The following ATP8A1 variants were observed in gnomAD, a reference collection of about 807,000 sequenced individuals.
ATP8A1 encodes ATPase phospholipid transporting 8A1.
Under a neutral mutation model 177.7 loss-of-function variants are expected in ATP8A1, and 90 were observed. That is an observed-to-expected ratio of 0.51 (90% CI 0.43 to 0.60). The LOEUF is 0.60. ATP8A1 is among the 20% of genes least tolerant of loss of function. The pLI, the probability that ATP8A1 is intolerant of heterozygous loss-of-function variation, is 0.00. For missense variants in ATP8A1, 1,072 were observed against 1,392.8 expected, an observed-to-expected ratio of 0.77 and a Z score of 3.67; for synonymous variants, 493 against 485.9, an observed-to-expected ratio of 1.01 and a Z score of -0.19.
intron 25 of ATP8A1, among the ~76,000 whole-genome samples, chr4:42,482,881 T>G (rs1451103413): frequency 6.6e-6 from 1 of 152,160 alleles, no homozygotes; most frequent in Non-Finnish European, 1.5e-5. Context: ...GGAAAATAGT[T>G]TAAATTTGAG....
At chr4:42,629,074 C>G (rs952575216) in intron 1 of ATP8A1, among the ~76,000 whole-genome samples, 1 of 152,188 alleles carries the variant, frequency 6.6e-6, no homozygotes, top group Non-Finnish European at 1.5e-5. Context: ...GATACTGCAT[C>G]TCCCCCTCAG....
intron 25 of ATP8A1, among the ~76,000 whole-genome samples, chr4:42,478,427 C>T (rs1238051552): frequency 6.6e-6 from 1 of 152,156 alleles, no homozygotes; most frequent in African/African-American, 2.4e-5. Flanking sequence ...ATTCAATACA[C>T]ATATGATAGA....
chr4:42,496,531 T>C (rs950175165), intron 24 of ATP8A1, among the ~76,000 whole-genome samples: 1 of 152,134 alleles, frequency 6.6e-6, no homozygotes, highest in Non-Finnish European at 1.5e-5. Flanking sequence ...TTTCTCAAAA[T>C]AAGCAAATTA....
chr4:42,503,108 G>A (rs2153193372), intron 24 of ATP8A1, among the ~76,000 whole-genome samples: 1 of 152,330 alleles, frequency 6.6e-6, no homozygotes, highest in Admixed American at 6.5e-5. Flanking sequence ...AATACTGGAA[G>A]TTAAAGCAGA....
intron 25 of ATP8A1, among the ~76,000 whole-genome samples, chr4:42,480,343 T>C (rs1721547860): frequency 6.6e-6 from 1 of 152,212 alleles, no homozygotes; most frequent in African/African-American, 2.4e-5. Context: ...GTGTATTCAG[T>C]GTGTCCTCTT....
Position 42,574,592 on chromosome 4 carries a change from A to G in ATP8A1, c.1295+27T>C, listed in dbSNP as rs199658050. ...TTAGCACTAATTAAGCATGTATTTCATATCCTAATTAAAGGAAAAAACTCA... is the reference window on the plus strand; with the variant it reads ...TTAGCACTAATTAAGCATGTATTTCGTATCCTAATTAAAGGAAAAAACTCA... On this transcript the variant is annotated intron_variant, in intron 14 of 36. Transcript: ENST00000381668. The G allele has an allele frequency of 3.9e-6, 6 of 1,548,076 alleles. No homozygotes were observed. In the African/African-American group the frequency reaches 4.1e-5, roughly 11 times the overall value.
intron 15 of ATP8A1, among the ~76,000 whole-genome samples, chr4:42,567,575 C>G (rs1731485162): frequency 1.3e-5 from 2 of 152,134 alleles, no homozygotes; most frequent in East Asian, 1.9e-4. Context: ...GTAGTGAAAG[C>G]CTTCCCTATT....
intron 14 of ATP8A1, among the ~76,000 whole-genome samples, chr4:42,569,888 ATT>A (rs1448339069): frequency 6.6e-6 from 1 of 152,174 alleles, no homozygotes; most frequent in East Asian, 1.9e-4. Flanking sequence ...GATGTACTTC[ATT>A]TCAGCCAGTC....
At chr4:42,644,636 G>A (rs1405944537) in intron 1 of ATP8A1, among the ~76,000 whole-genome samples, 1 of 151,854 alleles carries the variant, frequency 6.6e-6, no homozygotes, top group Non-Finnish European at 1.5e-5. Context: ...AATCCCCAGA[G>A]CGTCAAGTGA....
intron 10 of ATP8A1, among the ~76,000 whole-genome samples, chr4:42,580,593 A>C (rs1286200935): frequency 6.6e-6 from 1 of 152,252 alleles, no homozygotes; most frequent in African/African-American, 2.4e-5. Flanking sequence ...CAGAAAATTA[A>C]ATGTCAGAAT....
intron 35 of ATP8A1, among the ~76,000 whole-genome samples, chr4:42,419,379 A>AGAGTAAACTAATACTTTATAATGCAATGC (rs1713601921): frequency 6.6e-6 from 1 of 152,244 alleles, no homozygotes; most frequent in African/African-American, 2.4e-5. Context: ...AAACATACAT[A>AGAGTAAACTAATACTTTATAATGCAATGC]GAGTAAACTA....
chr4:42,449,615 C>G (rs1423731376), intron 30 of ATP8A1, among the ~76,000 whole-genome samples: 1 of 152,164 alleles, frequency 6.6e-6, no homozygotes, highest in Non-Finnish European at 1.5e-5. Context: ...AAAATGAAAA[C>G]AAGGCGAAAC....
chr4:42,478,563 C>T (rs1721327091), intron 25 of ATP8A1, among the ~76,000 whole-genome samples: 1 of 125,534 alleles, frequency 8.0e-6, no homozygotes, highest in Admixed American at 7.8e-5. Context: ...AATACACACA[C>T]AAAAAAAAAA....
At chr4:42,498,639 A>T (rs2153192316) in intron 24 of ATP8A1, among the ~76,000 whole-genome samples, 1 of 152,276 alleles carries the variant, frequency 6.6e-6, no homozygotes, top group East Asian at 1.9e-4. Flanking sequence ...GGCTGTTCAA[A>T]GTCATCTGTT....
intron 15 of ATP8A1, among the ~76,000 whole-genome samples, chr4:42,561,016 T>G (rs1214383623): frequency 6.6e-6 from 1 of 152,148 alleles, no homozygotes; most frequent in Non-Finnish European, 1.5e-5. Context: ...ATGGAGCTAT[T>G]AAGATCATTT....
intron 29 of ATP8A1, among the ~76,000 whole-genome samples, chr4:42,453,736 G>A (rs900645059): frequency 6.6e-6 from 1 of 152,176 alleles, no homozygotes; most frequent in African/African-American, 2.4e-5. Context: ...TTCAGAGACA[G>A]TACCATGGAG....
chr4:42,631,226 T>C (rs560669206), intron 1 of ATP8A1, among the ~76,000 whole-genome samples: 1 of 152,178 alleles, frequency 6.6e-6, no homozygotes, highest in Non-Finnish European at 1.5e-5. Context: ...CTCTGGTTCA[T>C]AGTAAGCCCT....
intron 19 of ATP8A1, among the ~76,000 whole-genome samples, chr4:42,546,581 TAA>T (rs71200293): frequency 0.038 from 5,248 of 139,234 alleles, 243 homozygotes; most frequent in African/African-American, 0.12. Context: ...TAAAGTATAA[TAA>T]AAAAAAAAAA....
At chr4:42,440,031 T>TG (rs1716446454) in intron 33 of ATP8A1, among the ~76,000 whole-genome samples, 1 of 152,210 alleles carries the variant, frequency 6.6e-6, no homozygotes, top group South Asian at 2.1e-4. Context: ...CCATTTGGTG[T>TG]GAGGATCATG....
Sources: allele counts gnomAD v4.1 joint callset (sites outside exome capture counted in the v4.1 genomes callset), GRCh38; gene constraint gnomAD v4.1.1; transcripts MANE v1.5; gene names NCBI Gene and HGNC (gene_info 2026-07-23, HGNC 2026-07-21).